TDRD12: variants seen among roughly 807,000 people sequenced by gnomAD.
TDRD12 encodes the protein tudor domain containing 12.
In TDRD12, 158 loss-of-function variants were observed where a neutral mutation model predicts 133.5. The observed-to-expected ratio is 1.18, with a 90% confidence interval of 1.04 to 1.35. The LOEUF (loss-of-function observed/expected upper bound fraction) is 1.35, where lower values mean the gene tolerates loss of function less well. Among genes scored for constraint, TDRD12 ranks in the 40% most tolerant of loss-of-function variants. The pLI, the probability that TDRD12 is intolerant of heterozygous loss-of-function variation, is 0.00. For synonymous variants in TDRD12, 460 were observed against 477.9 expected, an observed-to-expected ratio of 0.96 and a Z score of 0.49; for missense variants, 1,443 against 1,321.3, an observed-to-expected ratio of 1.09 and a Z score of -1.43.
chr19:32,823,540 G>A (rs898513936), downstream of TDRD12, among the ~76,000 whole-genome samples: 15 of 152,182 alleles, frequency 9.9e-5, no homozygotes, highest in Non-Finnish European at 2.1e-4. Flanking sequence ...GGTGAGAGGT[G>A]CAGGTGAGGA....
intron 4 of TDRD12, among the ~76,000 whole-genome samples, chr19:32,743,693 G>A (rs61510084): frequency 0.016 from 2,400 of 151,302 alleles, 72 homozygotes; most frequent in African/African-American, 0.056. Flanking sequence ...AGCTTTTAAC[G>A]AAAATTAGAA....
intron 27 of TDRD12, among the ~76,000 whole-genome samples, chr19:32,820,074 T>A (rs560635121): frequency 6.6e-6 from 1 of 152,202 alleles, no homozygotes; most frequent in African/African-American, 2.4e-5. Flanking sequence ...GAGGAGGATC[T>A]ATCGAAGGAG....
chr19:32,755,879 C>T (rs1443380914), intron 6 of TDRD12, 113 bp from the exon 7 acceptor site: 1 of 770,182 alleles, frequency 1.3e-6, no homozygotes, highest in Non-Finnish European at 1.9e-6. Context: ...AGATTATGTT[C>T]TGTAAAATAA....
intron 4 of TDRD12, among the ~76,000 whole-genome samples, chr19:32,746,011 G>T (rs1969606509): frequency 3.6e-5 from 3 of 83,756 alleles, no homozygotes; most frequent in South Asian, 3.6e-4. Context: ...AGAGAGAGAA[G>T]GAGAGAGACT....
chr19:32,802,182 A>G (rs1254468446), intron 19 of TDRD12, among the ~76,000 whole-genome samples: 2 of 145,344 alleles, frequency 1.4e-5, no homozygotes, highest in African/African-American at 5.1e-5. Flanking sequence ...TATCATATAT[A>G]TGATAGTGAT....
intron 3 of TDRD12, among the ~76,000 whole-genome samples, chr19:32,741,745 AGTAC>A (rs1370611906): frequency 6.6e-6 from 1 of 152,126 alleles, no homozygotes; most frequent in African/African-American, 2.4e-5. Context: ...ATGTGGAAAT[AGTAC>A]GTGGAAGTGG....
intron 2 of TDRD12, among the ~76,000 whole-genome samples, chr19:32,736,239 A>G (rs1382020713): frequency 1.3e-5 from 2 of 152,190 alleles, no homozygotes; most frequent in African/African-American, 4.8e-5. Context: ...ATGCTCAGAA[A>G]AAAAGATTCC....
intron 1 of TDRD12, among the ~76,000 whole-genome samples, chr19:32,727,682 T>A (rs1968903456): frequency 6.6e-6 from 1 of 152,198 alleles, no homozygotes; most frequent in South Asian, 2.1e-4. Flanking sequence ...TTTTATTTTC[T>A]TTTTGAGACA....
intron 7 of TDRD12, among the ~76,000 whole-genome samples, chr19:32,756,396 T>C (rs1013366832): frequency 2.0e-5 from 2 of 100,866 alleles, no homozygotes; most frequent in Admixed American, 8.8e-5. Flanking sequence ...TCGATTTCTG[T>C]TTTTTTTTTG....
At chr19:32,829,242 AG>A (rs964131505) in exon 10 of TDRD12, 43 of 152,370 alleles carry the variant, frequency 2.8e-4, no homozygotes, top group African/African-American at 1.0e-3. Flanking sequence ...CATACAGCAC[AG>A]CAAATGATAA....
intron 15 of TDRD12, 117 bp downstream of exon 15, chr19:32,798,008 A>G (rs1045101688): frequency 3.4e-6 from 2 of 594,158 alleles, no homozygotes; most frequent in African/African-American, 3.7e-5. Flanking sequence ...TTGTGTGATG[A>G]CACACTCACA....
At chr19:32,773,627 G>A in intron 10 of TDRD12, 95 bp downstream of exon 10, 1 of 1,067,506 alleles carries the variant, frequency 9.4e-7, no homozygotes, top group Non-Finnish European at 1.4e-6. Context: ...AAGCCCAGGA[G>A]GTCGAGGCTT....
rs1283502298 is a variant in TDRD12 at position 32,797,849 on chromosome 19, CT to C, written c.1589del (p.Leu530ProfsTer17). The C allele has an allele frequency of 1.4e-6, 1 of 701,838 alleles. No homozygotes were observed. The highest frequency in any genetic ancestry group is 2.0e-5 in the Admixed American group (1 of 49,738). 43.5% of individuals were successfully genotyped at this position (701,838 alleles called of 1,614,324 possible). A position where few individuals can be genotyped will look rare whatever the true frequency, so the allele number is the denominator to read the frequency against. ...TCATCCTGTGCTATTAACAATTGGG[CT>C]CCATAAAGAGGAAGCCAAAAATACA... On this transcript the variant is annotated frameshift_variant, in exon 15 of 28. Coordinates refer to ENST00000444215, the Ensembl canonical transcript of TDRD12. LOFTEE classifies it high-confidence loss of function.
intron 24 of TDRD12, among the ~76,000 whole-genome samples, chr19:32,812,103 C>A (rs1477389991): frequency 6.6e-6 from 1 of 152,204 alleles, no homozygotes; most frequent in Non-Finnish European, 1.5e-5. Flanking sequence ...GCGTTGAAAG[C>A]AAAGAGAACC....
chr19:32,756,007 G>C (rs764943990), exon 7 of TDRD12: 3 of 1,467,004 alleles, frequency 2.0e-6, no homozygotes, highest in Non-Finnish European at 2.7e-6. Context: ...TGTTAATGAT[G>C]ATCTTGTTGC....
At chr19:32,795,957 A>AC (rs1390514916) in intron 14 of TDRD12, among the ~76,000 whole-genome samples, 2 of 151,786 alleles carry the variant, frequency 1.3e-5, no homozygotes, top group Non-Finnish European at 2.9e-5. Flanking sequence ...TGAGCCAATC[A>AC]CCCCCCACCA....
intron 8 of TDRD12, among the ~76,000 whole-genome samples, chr19:32,761,568 G>A (rs1486182196): frequency 2.6e-5 from 4 of 152,230 alleles, no homozygotes; most frequent in African/African-American, 4.8e-5. Context: ...TAGGGGTGTA[G>A]TGGAATATCA....
intron 2 of TDRD12, among the ~76,000 whole-genome samples, chr19:32,737,573 A>G (rs1969262235): frequency 6.6e-6 from 1 of 152,074 alleles, no homozygotes; most frequent in Non-Finnish European, 1.5e-5. Context: ...TGTGTCACCC[A>G]GGCTGGAGTG....
exon 3 of TDRD12, chr19:32,738,957 G>T: frequency 1.9e-6 from 3 of 1,550,824 alleles, no homozygotes; most frequent in Non-Finnish European, 2.6e-6. Context: ...GTTTCCTTGT[G>T]GACTTTGCCA....
Sources: gnomAD v4.1 joint callset for allele counts (sites outside exome capture counted in the v4.1 genomes callset) on GRCh38, gnomAD v4.1.1 for gene constraint, MANE v1.5 for transcripts, NCBI Gene and HGNC (gene_info 2026-07-23, HGNC 2026-07-21) for gene names.